Variants in TTC39B observed in about 807,000 individuals in gnomAD.
TTC39B encodes the protein tetratricopeptide repeat protein 39B.
A neutral mutation model predicts 96.6 loss-of-function variants in TTC39B; 92 were observed. The ratio of observed to expected loss-of-function variants is 0.95; its 90% confidence interval spans 0.80 to 1.13. TTC39B has a LOEUF of 1.13. Among genes scored for constraint, TTC39B ranks in the 50% most tolerant of loss-of-function variants. TTC39B has a pLI of 0.00. For missense variants in TTC39B, 955 were observed against 809.3 expected (o/e 1.18, Z -2.18); for synonymous variants, 367 against 299.4 (o/e 1.23, Z -2.33).
intron 2 of TTC39B, among the ~76,000 whole-genome samples, chr9:15,266,085 T>C (rs1263041876): frequency 1.3e-5 from 2 of 152,160 alleles, no homozygotes; most frequent in Non-Finnish European, 2.9e-5. Context: ...AATATATCCA[T>C]ATTGATCATT....
intron 1 of TTC39B, among the ~76,000 whole-genome samples, chr9:15,300,909 A>AAC (rs1254669959): frequency 8.6e-6 from 1 of 116,392 alleles, no homozygotes; most frequent in Admixed American, 7.8e-5. Context: ...AAAAAAAAAA[A>AAC]AAAAAAAAAC....
chr9:15,272,393 C>A (rs144669503), intron 1 of TTC39B, among the ~76,000 whole-genome samples: 1 of 152,160 alleles, frequency 6.6e-6, no homozygotes, highest in Non-Finnish European at 1.5e-5. Flanking sequence ...AGTTACAACA[C>A]GCACACTCAG....
chr9:15,289,545 C>G (rs964291130), intron 1 of TTC39B, among the ~76,000 whole-genome samples: 1 of 152,208 alleles, frequency 6.6e-6, no homozygotes, highest in Admixed American at 6.5e-5. Flanking sequence ...AGGCACAATG[C>G]CGGCAAATGG....
rs1244301065 is a variant in TTC39B, at chr9:15,306,948, C to A, written c.240+136G>T. On this transcript the variant is annotated intron_variant, in intron 1 of 19. Transcript: ENST00000512701. The surrounding 1 kb of genome is among the most constrained non-coding windows in gnomAD (Gnocchi z 5.1). The stretch of plus-strand genomic sequence containing the variant: ...ACCTACCAAGGCCGGGCGCCCCCAC[C>A]CGGCGCCCGCCAGCCCACCCCAGAG... 2 of 1,329,548 alleles carry A rather than the reference C, an allele frequency of 1.5e-6. No homozygotes were observed. Among genetic ancestry groups the A allele is most frequent in the East Asian group, 5.2e-5 (2 of 38,820 alleles). The allele number at this position is 1,329,548 out of a possible 1,614,324, so 82.4% of individuals were successfully genotyped here.
At chr9:15,231,387 T>C (rs1443183363) in intron 2 of TTC39B, among the ~76,000 whole-genome samples, 1 of 152,190 alleles carries the variant, frequency 6.6e-6, no homozygotes, top group Non-Finnish European at 1.5e-5. Context: ...AATACTTGTT[T>C]TTGTCCATGA....
chr9:15,244,238 C>G (rs1822173238), intron 2 of TTC39B, among the ~76,000 whole-genome samples: 2 of 152,236 alleles, frequency 1.3e-5, no homozygotes. Context: ...TTGGAGGGTT[C>G]TCTTATTTCT....
chr9:15,171,830 G>C (rs1267653941), exon 20 of TTC39B: 2 of 384,496 alleles, frequency 5.2e-6, no homozygotes. Flanking sequence ...AGATAATATA[G>C]AATGCCATTC....
chr9:15,238,013 C>T (rs1261245569), intron 2 of TTC39B, among the ~76,000 whole-genome samples: 1 of 151,990 alleles, frequency 6.6e-6, no homozygotes, highest in Non-Finnish European at 1.5e-5. Context: ...AAACAAAAAC[C>T]GTATGATTAT....
intron 2 of TTC39B, among the ~76,000 whole-genome samples, chr9:15,250,861 G>C (rs1228630095): frequency 6.6e-6 from 1 of 152,182 alleles, no homozygotes; most frequent in Non-Finnish European, 1.5e-5. Flanking sequence ...TGCTAGAATT[G>C]AAACGTTTTT....
At chr9:15,278,487 T>C (rs1384238821) in intron 1 of TTC39B, among the ~76,000 whole-genome samples, 1 of 152,238 alleles carries the variant, frequency 6.6e-6, no homozygotes, top group Non-Finnish European at 1.5e-5. Context: ...GTAAATCATT[T>C]ACTATGTCAA....
intron 16 of TTC39B, among the ~76,000 whole-genome samples, chr9:15,183,038 G>A (rs1238317938): frequency 6.6e-6 from 1 of 152,150 alleles, no homozygotes; most frequent in Non-Finnish European, 1.5e-5. Flanking sequence ...AAGCAAATGT[G>A]CTTTTGCTTG....
At chr9:15,271,707 C>G (rs943200878) in intron 1 of TTC39B, among the ~76,000 whole-genome samples, 18 of 152,114 alleles carry the variant, frequency 1.2e-4, no homozygotes, top group African/African-American at 4.1e-4. Context: ...ATTGGGGACC[C>G]CTGCTTTAAG....
rs1279345715 is a variant in TTC39B at position 15,306,828 on chromosome 9, C to G, written c.240+256G>C. 2.0e-5 allele frequency among the ~76,000 whole-genome samples: 3 copies of G among 152,198 alleles called. No homozygotes were observed. The highest frequency in any genetic ancestry group is 4.4e-5 in the Non-Finnish European group (3 of 68,022). On this transcript the variant is annotated intron_variant, in intron 1 of 19. Transcript: ENST00000512701. This position sits in a 1 kb window ranked among gnomAD's most constrained non-coding sequence, Gnocchi z 5.1. ...TCCAAGTGCTGGCAGGACGTGGGTC[C>G]TCCATCCCCACGACTCGCGGGGCCG...
intron 2 of TTC39B, among the ~76,000 whole-genome samples, chr9:15,267,521 T>C (rs1279616863): frequency 1.3e-5 from 2 of 152,236 alleles, no homozygotes; most frequent in African/African-American, 2.4e-5. Flanking sequence ...TTTGATCTAA[T>C]ATGATTTAGC....
At chr9:15,182,465 G>A in intron 16 of TTC39B, 50 bp from the exon 17 acceptor site, 2 of 1,267,150 alleles carry the variant, frequency 1.6e-6, no homozygotes, top group Non-Finnish European at 2.2e-6. Flanking sequence ...GTTATTCAAT[G>A]TCCTTTATGA....
intron 3 of TTC39B, among the ~76,000 whole-genome samples, chr9:15,221,381 T>C (rs774423638): frequency 6.6e-6 from 1 of 152,218 alleles, no homozygotes; most frequent in Non-Finnish European, 1.5e-5. Flanking sequence ...ATTACAGTCA[T>C]TATTTATTTT....
exon 19 of TTC39B, chr9:15,175,116 C>A: frequency 6.2e-7 from 1 of 1,612,712 alleles, no homozygotes; most frequent in Non-Finnish European, 8.5e-7. Context: ...AGGTAGTGGT[C>A]ATACTTCAGT....
intron 8 of TTC39B, among the ~76,000 whole-genome samples, chr9:15,198,482 A>ATATATATATATG (rs1334785023): frequency 1.3e-5 from 2 of 149,260 alleles, no homozygotes; most frequent in African/African-American, 2.4e-5. Flanking sequence ...ATATATATAT[A>ATATATATATATG]TATATCATAA....
intron 2 of TTC39B, among the ~76,000 whole-genome samples, chr9:15,246,032 T>C (rs976369757): frequency 1.3e-5 from 2 of 152,150 alleles, no homozygotes; most frequent in African/African-American, 4.8e-5. Flanking sequence ...GGCGGGCAGA[T>C]CACCTGAGGT....
Sources: allele counts gnomAD v4.1 joint callset (sites outside exome capture counted in the v4.1 genomes callset), GRCh38; gene constraint gnomAD v4.1.1; non-coding constraint Gnocchi (gnomAD v3.1); transcripts MANE v1.5; gene names NCBI Gene and HGNC (gene_info 2026-07-23, HGNC 2026-07-21).